CTDSP2: variants seen among roughly 807,000 people sequenced by gnomAD.
CTDSP2 encodes the protein carboxy-terminal domain RNA polymerase II polypeptide A small phosphatase 2.
CTDSP2 carries 9 observed loss-of-function variants against 31.6 expected under a neutral mutation model. The observed-to-expected ratio is 0.28, with a 90% CI of 0.17 to 0.50. The LOEUF (loss-of-function observed/expected upper bound fraction) is 0.50, where lower values mean the gene tolerates loss of function less well. Among genes scored for constraint, CTDSP2 ranks in the 20% least tolerant of loss-of-function variants. The probability of loss-of-function intolerance (pLI) is 0.98; values close to 1 mark genes in which losing one functional copy is unlikely to be tolerated. For synonymous variants in CTDSP2, 134 were observed against 134.5 expected, an observed-to-expected ratio of 1.00 and a Z score of 0.03; for missense variants, 267 against 348.5, an observed-to-expected ratio of 0.77 and a Z score of 1.86.
At chr12:57,845,951 C>G (rs938049871) in intron 1 of CTDSP2, among the ~76,000 whole-genome samples, 2 of 152,178 alleles carry the variant, frequency 1.3e-5, no homozygotes, top group Non-Finnish European at 2.9e-5. Context: ...AGTCTCGGTT[C>G]CGTTCCACCT....
chr12:57,841,561 C>T (rs773427870), intron 1 of CTDSP2, among the ~76,000 whole-genome samples: 1 of 152,190 alleles, frequency 6.6e-6, no homozygotes, highest in Non-Finnish European at 1.5e-5. Context: ...ACAGAATGGC[C>T]AAAGTCCCAC....
In CTDSP2 at chr12:57,846,569, C is replaced by A. The variant is rs931706781; in HGVS notation, c.-134G>T. 2.9e-6 allele frequency: 2 copies of A among 682,452 alleles called. No individual in the cohort carries two copies. Among genetic ancestry groups the A allele is most frequent in the African/African-American group, 1.9e-5 (1 of 51,598 alleles). The allele number at this position is 682,452 out of a possible 1,614,324, so 42.3% of individuals were successfully genotyped here. ...GACTTCCACAGCTGTTCACATCCCCCCTCTCGTTTCCTCCCCGGACCGGGA... is the reference window on the plus strand; with the variant it reads ...GACTTCCACAGCTGTTCACATCCCCACTCTCGTTTCCTCCCCGGACCGGGA... On this transcript the variant is annotated 5_prime_UTR_variant, in exon 1 of 8. Transcript: ENST00000398073.
intron 1 of CTDSP2, among the ~76,000 whole-genome samples, chr12:57,831,611 G>T (rs1194747876): frequency 6.6e-6 from 1 of 152,208 alleles, no homozygotes; most frequent in African/African-American, 2.4e-5. Flanking sequence ...CTCTTCTCCA[G>T]AGGGTCTTGA....
In CTDSP2 at chr12:57,821,696, G is replaced by T. The variant is rs1956145938; in HGVS notation, c.*1906C>A. The T allele has an allele frequency of 6.6e-6, 1 of 152,322 alleles. No individual in the cohort carries two copies. Among genetic ancestry groups the T allele is most frequent in the South Asian group, 2.1e-4 (1 of 4,818 alleles). The allele number at this position is 152,322 out of a possible 1,614,324, so 9.4% of individuals were successfully genotyped here. Reference sequence around the variant, plus strand: ...TCCTTCAAGAGACAGTATATTTCTGGCTAGCACATGGGGTCCTTCTCCCTT... The same window carrying T: ...TCCTTCAAGAGACAGTATATTTCTGTCTAGCACATGGGGTCCTTCTCCCTT... On this transcript the variant is annotated 3_prime_UTR_variant, in exon 8 of 8. Transcript: ENST00000398073.
At chr12:57,831,283 C>G (rs1190208417) in intron 1 of CTDSP2, among the ~76,000 whole-genome samples, 1 of 151,628 alleles carries the variant, frequency 6.6e-6, no homozygotes, top group Non-Finnish European at 1.5e-5. Context: ...TGGTGAAACC[C>G]TGTCTCTACT....
At position 57,829,563 on chromosome 12, in the gene CTDSP2, C is replaced by CGTAACTTCTTAGGA. The variant is rs1565845656; in HGVS notation, c.97_98insTCCTAAGAAGTTAC (p.Arg33LeufsTer67). 6.2e-7 allele frequency: 1 copy of CGTAACTTCTTAGGA among 1,614,120 alleles called. No homozygotes were observed. Among genetic ancestry groups the CGTAACTTCTTAGGA allele is most frequent in the Admixed American group, 1.7e-5 (1 of 60,018 alleles). ...AAGGGCCTTGAAGATGTTACGTCCA[C>CGTAACTTCTTAGGA]GAGGCTTCTTAGGAGAGGACTTGGA... is the stretch of plus-strand genomic sequence containing the variant. On this transcript the variant is annotated frameshift_variant, in exon 2 of 8. Transcript: ENST00000398073. LOFTEE classifies it high-confidence loss of function.
Position 57,846,439 on chromosome 12 carries a change from A to T in CTDSP2, c.-4T>A. The T allele has an allele frequency of 6.3e-7, 1 of 1,592,670 alleles. No homozygotes were observed. The highest frequency in any genetic ancestry group is 8.5e-7 in the Non-Finnish European group (1 of 1,170,578). On this transcript the variant is annotated 5_prime_UTR_variant, in exon 1 of 8. Transcript: ENST00000398073. ...TGATGATGGAGCCGTGTTCCATCTAACAATCCCGCGGGCCCGGGCTGGCTG... is the reference window on the plus strand; with the variant it reads ...TGATGATGGAGCCGTGTTCCATCTATCAATCCCGCGGGCCCGGGCTGGCTG...
intron 2 of CTDSP2, 39 bp downstream of exon 2, chr12:57,829,409 C>T: frequency 1.2e-6 from 2 of 1,603,288 alleles, no homozygotes; most frequent in Non-Finnish European, 1.7e-6. Flanking sequence ...CATTAACAGT[C>T]CCTTCATTGC....
chr12:57,844,563 A>C (rs941106585), intron 1 of CTDSP2, among the ~76,000 whole-genome samples: 11 of 147,344 alleles, frequency 7.5e-5, no homozygotes, highest in African/African-American at 2.8e-4. Context: ...GAATCCCCCC[A>C]CATCTAGGTT....
chr12:57,826,861 CA>C, intron 4 of CTDSP2, 134 bp downstream of exon 4: 1 of 682,482 alleles, frequency 1.5e-6, no homozygotes, highest in Non-Finnish European at 2.5e-6. Context: ...ACAGGGTGGC[CA>C]AAATGCCAGA....
intron 5 of CTDSP2, 124 bp from the exon 6 acceptor site, chr12:57,824,443 A>T: frequency 2.6e-6 from 2 of 766,318 alleles, no homozygotes; most frequent in Non-Finnish European, 4.5e-6. Context: ...CTCCTGGGCT[A>T]CCTGGCTGGA....
chr12:57,845,917 G>T (rs908598244), intron 1 of CTDSP2, among the ~76,000 whole-genome samples: 47 of 152,176 alleles, frequency 3.1e-4, no homozygotes, highest in Non-Finnish European at 6.0e-4. Context: ...TCGGGCTTGG[G>T]GGGGCCTGCA....
At chr12:57,833,546 C>T (rs1344528347) in intron 1 of CTDSP2, among the ~76,000 whole-genome samples, 1 of 152,222 alleles carries the variant, frequency 6.6e-6, no homozygotes, top group East Asian at 1.9e-4. Context: ...CATCAGAATG[C>T]ATCAGCCTCT....
At position 57,827,604 on chromosome 12, in the gene CTDSP2, G is replaced by A; in HGVS notation, c.214-14C>T. 2.5e-6 allele frequency: 4 copies of A among 1,613,722 alleles called. No individual in the cohort carries two copies. Among genetic ancestry groups the A allele is most frequent in the Non-Finnish European group, 3.4e-6 (4 of 1,179,758 alleles). ...GAGCAGATCCGACTGAGGAAGAGAA[G>A]GAGGTGGTCAGTGCCATCTCACTGC... On this transcript the variant is annotated splice_polypyrimidine_tract_variant and intron_variant, in intron 2 of 7. Coordinates refer to ENST00000398073, the MANE Select transcript of CTDSP2 (RefSeq NM_005730.4).
intron 1 of CTDSP2, chr12:57,842,268 A>G (rs1192024419): frequency 6.6e-6 from 1 of 152,248 alleles, no homozygotes; most frequent in Non-Finnish European, 1.5e-5. Flanking sequence ...GGTTGGGAGC[A>G]TCAATTCACG....
Position 57,823,362 on chromosome 12 carries a change from C to T in CTDSP2, c.*240G>A, listed in dbSNP as rs1311983689. The T allele has an allele frequency of 1.8e-6, 1 of 549,518 alleles. No homozygotes were observed. Among genetic ancestry groups the T allele is most frequent in the Non-Finnish European group, 3.3e-6 (1 of 304,858 alleles). The allele number at this position is 549,518 out of a possible 1,614,324, so 34.0% of individuals were successfully genotyped here. The stretch of plus-strand genomic sequence containing the variant: ...TCATGGCAAAACACACACACAAACA[C>T]ACACTCTCTCACAGTCAAACACACA... On this transcript the variant is annotated 3_prime_UTR_variant, in exon 8 of 8. Transcript: ENST00000398073.
In CTDSP2 at chr12:57,822,124, G is replaced by GA. The variant is rs1167043796; in HGVS notation, c.*1477dup. 1.3e-5 allele frequency: 2 copies of GA among 152,380 alleles called. No homozygotes were observed. The highest frequency in any genetic ancestry group is 4.8e-5 in the African/African-American group (2 of 41,412). 9.4% of individuals were successfully genotyped at this position (152,380 alleles called of 1,614,324 possible). ...ACCCCAGGAGGAGGGAGGGAGGGAG[G>GA]AGAGAACCCCACCCACCCCAGGGAG... On this transcript the variant is annotated 3_prime_UTR_variant, in exon 8 of 8. Coordinates refer to ENST00000398073, the MANE Select transcript of CTDSP2 (RefSeq NM_005730.4).
chr12:57,824,041 C>CCCGGAACACCCCACACCGGTCCAGCAGGT lies in CTDSP2; in HGVS notation c.524_552dup (p.Ala185ThrfsTer36). On this transcript the variant is annotated frameshift_variant, in exon 7 of 8. Coordinates refer to ENST00000398073, the MANE Select transcript of CTDSP2 (RefSeq NM_005730.4). LOFTEE classifies it high-confidence loss of function. ...ACGCAAGACTCACGGAATAGGCGGG[C>CCCGGAACACCCCACACCGGTCCAGCAGGT]CCGGAACACCCCACACCGGTCCAGC... is the stretch of plus-strand genomic sequence containing the variant. The CCCGGAACACCCCACACCGGTCCAGCAGGT allele has an allele frequency of 6.2e-7, 1 of 1,614,070 alleles. No individual in the cohort carries two copies. The highest frequency in any genetic ancestry group is 8.5e-7 in the Non-Finnish European group (1 of 1,180,000).
chr12:57,836,981 T>C (rs908572553), intron 1 of CTDSP2: 2 of 152,176 alleles, frequency 1.3e-5, no homozygotes, highest in African/African-American at 4.8e-5. Context: ...GCTATCACTA[T>C]AAAATGGCCC....
Sources: gnomAD v4.1 joint callset for allele counts (sites outside exome capture counted in the v4.1 genomes callset) on GRCh38, gnomAD v4.1.1 for gene constraint, MANE v1.5 for transcripts, NCBI Gene and HGNC (gene_info 2026-07-23, HGNC 2026-07-21) for gene names.